Variants in RAB3C observed in about 807,000 individuals in gnomAD.
The protein encoded by RAB3C is ras-related protein Rab-3C.
In RAB3C, 17 loss-of-function variants were observed where a neutral mutation model predicts 26.4. The ratio of observed to expected loss-of-function variants is 0.64; its 90% CI spans 0.44 to 0.97. RAB3C has a LOEUF of 0.97. Among genes scored for constraint, RAB3C ranks in the 50% least tolerant of loss-of-function variants. RAB3C has a pLI of 0.00. For missense variants in RAB3C, 242 were observed against 281.9 expected (o/e 0.86, Z 1.01); for synonymous variants, 91 against 95.9 (o/e 0.95, Z 0.30).
chr5:58,797,820 C>G (rs749995408), intron 3 of RAB3C, among the ~76,000 whole-genome samples: 41 of 152,062 alleles, frequency 2.7e-4, no homozygotes, highest in Non-Finnish European at 5.3e-4. Flanking sequence ...ATGGTTTCTC[C>G]CATAGGCAAG....
intron 3 of RAB3C, among the ~76,000 whole-genome samples, chr5:58,813,905 G>T (rs1314202248): frequency 6.6e-6 from 1 of 152,040 alleles, no homozygotes; most frequent in East Asian, 1.9e-4. Context: ...CTTTCTATTT[G>T]CAAGAACTTG....
chr5:58,670,398 A>T (rs1748090461), intron 2 of RAB3C, among the ~76,000 whole-genome samples: 1 of 152,188 alleles, frequency 6.6e-6, no homozygotes, highest in African/African-American at 2.4e-5. Context: ...TGTGCTCAAC[A>T]TCTAAAGAAA....
chr5:58,793,329 C>T (rs1427629645), intron 3 of RAB3C, among the ~76,000 whole-genome samples: 5 of 152,098 alleles, frequency 3.3e-5, no homozygotes, highest in African/African-American at 1.2e-4. Flanking sequence ...GGGGCCGAGG[C>T]AGGCAGATCA....
intron 3 of RAB3C, among the ~76,000 whole-genome samples, chr5:58,817,836 G>C (rs1243359439): frequency 1.3e-5 from 2 of 152,080 alleles, no homozygotes; most frequent in Non-Finnish European, 2.9e-5. Context: ...AATAACAAAA[G>C]GGCCAATTAT....
At chr5:58,830,122 T>G (rs1298757777) in intron 4 of RAB3C, among the ~76,000 whole-genome samples, 1 of 152,210 alleles carries the variant, frequency 6.6e-6, no homozygotes, top group Non-Finnish European at 1.5e-5. Flanking sequence ...AAAAGATACA[T>G]TCTATGTCTA....
Position 58,763,412 on chromosome 5 carries a change from G to C in RAB3C, c.371+37292G>C, listed in dbSNP as rs151294122. ...TTTCCAGTAATATGACTTTTTAAAA[G>C]GAAGATCTCCAAAAATGCTTTTTAT... is the stretch of plus-strand genomic sequence containing the variant. On this transcript the variant is annotated intron_variant, in intron 3 of 4. Transcript: ENST00000282878. Among the ~76,000 whole-genome samples, 242 of 152,236 alleles carry C rather than the reference G, an allele frequency of 1.6e-3. 1 individual carries two copies. Among genetic ancestry groups the C allele is most frequent in the African/African-American group, 4.2e-3 (175 of 41,556 alleles).
At chr5:58,839,432 A>C (rs1743827153) in intron 4 of RAB3C, among the ~76,000 whole-genome samples, 1 of 151,582 alleles carries the variant, frequency 6.6e-6, no homozygotes, top group African/African-American at 2.4e-5. Flanking sequence ...GTGCAATGGC[A>C]CAATCTTGGC....
intron 3 of RAB3C, among the ~76,000 whole-genome samples, chr5:58,785,451 C>T (rs1332375907): frequency 7.2e-5 from 11 of 152,204 alleles, no homozygotes; most frequent in Non-Finnish European, 1.5e-4. Context: ...TTGCATATTA[C>T]CTCTGTACAA....
intron 1 of RAB3C, among the ~76,000 whole-genome samples, chr5:58,617,199 C>T (rs888347202): frequency 2.6e-5 from 4 of 152,080 alleles, no homozygotes; most frequent in Non-Finnish European, 5.9e-5. Context: ...TTTGGGTGTG[C>T]TTCCCTATGA....
intron 3 of RAB3C, among the ~76,000 whole-genome samples, chr5:58,809,948 T>C (rs1396573867): frequency 6.6e-6 from 1 of 152,226 alleles, no homozygotes; most frequent in Admixed American, 6.5e-5. Flanking sequence ...AACTTTATTA[T>C]TTACTGTTCT....
Position 58,629,561 on chromosome 5 carries a change from A to G in RAB3C, c.252+11691A>G, listed in dbSNP as rs190558007. On this transcript the variant is annotated intron_variant, in intron 2 of 4. Coordinates refer to ENST00000282878, the MANE Select transcript of RAB3C (RefSeq NM_138453.4). The stretch of plus-strand genomic sequence containing the variant: ...CAGCCAAATGAGAATAGGCTTAGCT[A>G]TAGCAAAGGGATCAGCCACCATCAC... 4.2e-3 allele frequency among the ~76,000 whole-genome samples: 639 copies of G among 152,342 alleles called. 5 individuals are homozygous for G. The highest frequency in any genetic ancestry group is 7.5e-3 in the Non-Finnish European group (512 of 68,036).
intron 2 of RAB3C, among the ~76,000 whole-genome samples, chr5:58,639,147 A>G (rs1292466603): frequency 3.3e-5 from 5 of 152,210 alleles, no homozygotes; most frequent in African/African-American, 1.2e-4. Context: ...AGCTTTCTGT[A>G]TGCTTTTCAG....
intron 3 of RAB3C, among the ~76,000 whole-genome samples, chr5:58,742,727 GGAAAT>G (rs1259569228): frequency 1.3e-4 from 20 of 152,122 alleles, no homozygotes; most frequent in African/African-American, 4.6e-4. Context: ...TTTCTACTGT[GGAAAT>G]GAGTGCTTTC....
intron 3 of RAB3C, among the ~76,000 whole-genome samples, chr5:58,780,095 G>A (rs898752458): frequency 1.3e-5 from 2 of 152,076 alleles, no homozygotes; most frequent in African/African-American, 4.8e-5. Flanking sequence ...GAAAAGCATT[G>A]GAGGGCAGAG....
chr5:58,644,263 C>G (rs1192803451), intron 2 of RAB3C: 1 of 152,166 alleles, frequency 6.6e-6, no homozygotes, highest in African/African-American at 2.4e-5. Flanking sequence ...ATGGATTCTA[C>G]GAATTGGATT....
At chr5:58,837,966 A>C (rs1743787481) in intron 4 of RAB3C, among the ~76,000 whole-genome samples, 1 of 152,030 alleles carries the variant, frequency 6.6e-6, no homozygotes, top group Non-Finnish European at 1.5e-5. Flanking sequence ...ATGATCCTTT[A>C]TATTTCTGTG....
At position 58,697,714 on chromosome 5, in the gene RAB3C, A is replaced by C. The variant is rs553385475; in HGVS notation, c.253-28288A>C. 2.6e-5 allele frequency among the ~76,000 whole-genome samples: 4 copies of C among 152,068 alleles called. No homozygotes were observed. The South Asian group carries it at 8.3e-4, about 32-fold the overall frequency. The stretch of plus-strand genomic sequence containing the variant: ...GTCTCTTCTGATGTTTGTTGGTTTA[A>C]AGTCTGTTTTATCCGAGACTAGGAT... On this transcript the variant is annotated intron_variant, in intron 2 of 4. Coordinates refer to ENST00000282878, the MANE Select transcript of RAB3C (RefSeq NM_138453.4).
At chr5:58,823,083 C>A in intron 3 of RAB3C, 2 of 521,428 alleles carry the variant, frequency 3.8e-6, no homozygotes, top group South Asian at 1.6e-5. Flanking sequence ...GAATTTAATG[C>A]AGAAGCGCAT....
At chr5:58,640,788 A>C (rs1747398747) in intron 2 of RAB3C, among the ~76,000 whole-genome samples, 1 of 152,220 alleles carries the variant, frequency 6.6e-6, no homozygotes, top group Non-Finnish European at 1.5e-5. Context: ...ACTTAACATC[A>C]TTTTATAAAG....
Sources: gnomAD v4.1 joint callset for allele counts (sites outside exome capture counted in the v4.1 genomes callset) on GRCh38, gnomAD v4.1.1 for gene constraint, MANE v1.5 for transcripts, NCBI Gene and HGNC (gene_info 2026-07-23, HGNC 2026-07-21) for gene names.